The following WDR19 variants were observed in gnomAD, a reference collection of about 807,000 sequenced individuals.
WDR19 encodes the protein WD repeat-containing protein 19.
Under a neutral mutation model 180.0 loss-of-function variants are expected in WDR19, and 121 were observed. The ratio of observed to expected loss-of-function variants is 0.67; its 90% CI spans 0.58 to 0.78. The LOEUF (loss-of-function observed/expected upper bound fraction) is 0.78, where lower values mean the gene tolerates loss of function less well. WDR19 is among the 30% of genes least tolerant of loss of function. The pLI is 0.00. For missense variants in WDR19, 1,450 were observed against 1,640.7 expected, an observed-to-expected ratio of 0.88 and a Z score of 2.01; for synonymous variants, 497 against 540.7, an observed-to-expected ratio of 0.92 and a Z score of 1.12.
intron 9 of WDR19, among the ~76,000 whole-genome samples, chr4:39,210,540 C>T (rs1045630180): frequency 2.0e-5 from 3 of 151,148 alleles, no homozygotes; most frequent in Admixed American, 1.3e-4. Context: ...CCAGGCATGG[C>T]GGCATGTGCC....
rs750250561 is a variant in WDR19, at chr4:39,272,998, G to A, written c.3502G>A (p.Asp1168Asn). The change falls in exon 32 of 37, where the codon GAT (aspartate) becomes AAT (asparagine). Residue 1168 changes from aspartate (D) to asparagine (N), a missense_variant. Physicochemically the swap from Asp to Asn is conservative, Grantham distance 23. Transcript: ENST00000399820. ...ILVKIHVKNG[D>N]HMKGARMLIR... is the part of the protein sequence containing the mutation. Reference sequence around the variant, plus strand: ...GTTTCAGATTCATGTTAAAAATGGAGATCACATGAAAGGGGCTCGCATGCT... The same window carrying A: ...GTTTCAGATTCATGTTAAAAATGGAAATCACATGAAAGGGGCTCGCATGCT... 4.6e-5 allele frequency: 73 copies of A among 1,602,520 alleles called. No homozygotes were observed. The highest frequency in any genetic ancestry group is 1.5e-4 in the Admixed American group (9 of 58,226).
At chr4:39,212,035 T>TA (rs1341971357) in intron 9 of WDR19, among the ~76,000 whole-genome samples, 1 of 150,578 alleles carries the variant, frequency 6.6e-6, no homozygotes, top group African/African-American at 2.4e-5. Context: ...ACAGCAATCT[T>TA]AAAAAAGAAC....
intron 29 of WDR19, 123 bp downstream of exon 29, chr4:39,266,263 G>A: frequency 1.3e-6 from 1 of 746,780 alleles, no homozygotes. Context: ...CAGTAGTGTA[G>A]ATCATCTAGA....
chr4:39,203,074 G>T (rs950203668), intron 6 of WDR19, among the ~76,000 whole-genome samples: 2 of 150,372 alleles, frequency 1.3e-5, no homozygotes, highest in Non-Finnish European at 3.0e-5. Flanking sequence ...AGGAAGGGAG[G>T]TCTTTAATTA....
At chr4:39,199,357 A>T in intron 5 of WDR19, 121 bp from the exon 6 acceptor site, 1 of 718,188 alleles carries the variant, frequency 1.4e-6, no homozygotes, top group Non-Finnish European at 2.3e-6. Flanking sequence ...CGTAGACATT[A>T]ACTGCTTTGA....
intron 17 of WDR19, among the ~76,000 whole-genome samples, 166 bp from the exon 18 acceptor site, chr4:39,231,631 G>C (rs1441611428): frequency 6.6e-6 from 1 of 152,192 alleles, no homozygotes; most frequent in Admixed American, 6.5e-5. Flanking sequence ...GTAAAAAAAG[G>C]AAGAAAGCTT....
intron 20 of WDR19, among the ~76,000 whole-genome samples, chr4:39,239,990 TAGTG>T (rs1184570598): frequency 6.6e-6 from 1 of 152,010 alleles, no homozygotes; most frequent in Non-Finnish European, 1.5e-5. Flanking sequence ...CTTGGCAACA[TAGTG>T]AGACCTTGTC....
At chr4:39,245,734 T>C (rs748479983) in intron 24 of WDR19, among the ~76,000 whole-genome samples, 1 of 152,198 alleles carries the variant, frequency 6.6e-6, no homozygotes, top group Non-Finnish European at 1.5e-5. Context: ...ATAAAGTGAT[T>C]GTTATTTTAT....
intron 19 of WDR19, among the ~76,000 whole-genome samples, chr4:39,234,151 TA>T (rs2109374712): frequency 6.6e-6 from 1 of 152,328 alleles, no homozygotes; most frequent in Admixed American, 6.5e-5. Context: ...ATCTGGCAGA[TA>T]ATAACACTTG....
chr4:39,187,610 A>AT (rs1004681907), intron 3 of WDR19, among the ~76,000 whole-genome samples: 1 of 152,050 alleles, frequency 6.6e-6, no homozygotes, highest in African/African-American at 2.4e-5. Context: ...TCATTTTGGC[A>AT]TTTTCCATTA....
intron 1 of WDR19, among the ~76,000 whole-genome samples, chr4:39,184,002 T>G (rs186266091): frequency 6.6e-6 from 1 of 152,334 alleles, no homozygotes; most frequent in Non-Finnish European, 1.5e-5. Context: ...GTAAGATGCT[T>G]TTAAATATTC....
chr4:39,278,095 A>G, intron 34 of WDR19, 36 bp from the exon 35 acceptor site: 1 of 1,539,288 alleles, frequency 6.5e-7, no homozygotes, highest in Middle Eastern at 1.7e-4. Context: ...TTTTTAAAAT[A>G]AAGATGAATT....
At chr4:39,256,974 G>C (rs1249514749) in intron 27 of WDR19, among the ~76,000 whole-genome samples, 3 of 151,930 alleles carry the variant, frequency 2.0e-5, no homozygotes, top group Non-Finnish European at 2.9e-5. Context: ...TCTTTTTATA[G>C]TTGTAAATTT....
At chr4:39,239,153 T>A (rs1435499623) in intron 20 of WDR19, among the ~76,000 whole-genome samples, 1 of 152,034 alleles carries the variant, frequency 6.6e-6, no homozygotes, top group Non-Finnish European at 1.5e-5. Flanking sequence ...AATTTTTGTA[T>A]TTTTAGTAGA....
intron 6 of WDR19, among the ~76,000 whole-genome samples, chr4:39,202,730 A>G (rs191757782): frequency 2.6e-5 from 4 of 151,830 alleles, no homozygotes; most frequent in Admixed American, 2.6e-4. Context: ...TTCTTTTCTC[A>G]TATTTATGAG....
intron 9 of WDR19, among the ~76,000 whole-genome samples, chr4:39,207,277 A>C (rs901609394): frequency 1.2e-4 from 19 of 152,200 alleles, no homozygotes; most frequent in African/African-American, 4.3e-4. Context: ...CAATCTGAAC[A>C]TGGAAGAAAA....
intron 10 of WDR19, 100 bp downstream of exon 10, chr4:39,214,771 T>A (rs1577897212): frequency 2.8e-6 from 2 of 702,644 alleles, no homozygotes; most frequent in Non-Finnish European, 2.3e-6. Flanking sequence ...GTAGGAGGAA[T>A]AATTTTTTTT....
rs1729246083 is a variant in WDR19, at chr4:39,217,969, T to A, written c.1357-14T>A. The A allele has an allele frequency of 1.9e-6, 3 of 1,613,164 alleles. No homozygotes were observed. The highest frequency in any genetic ancestry group is 2.5e-6 in the Non-Finnish European group (3 of 1,179,618). ...AAATAAATCTGTGAGCCATTATTATTCTTTACGTTTTAGATAGAAAGCGAA... is the reference window on the plus strand; with the variant it reads ...AAATAAATCTGTGAGCCATTATTATACTTTACGTTTTAGATAGAAAGCGAA... On this transcript the variant is annotated splice_polypyrimidine_tract_variant and intron_variant, in intron 13 of 36. Coordinates refer to ENST00000399820, the MANE Select transcript of WDR19 (RefSeq NM_025132.4).
At chr4:39,198,060 C>T (rs541013125) in intron 5 of WDR19, among the ~76,000 whole-genome samples, 2 of 152,110 alleles carry the variant, frequency 1.3e-5, no homozygotes, top group South Asian at 4.1e-4. Context: ...CTAGGCTGGT[C>T]TTGAACTCCT....
Sources: allele counts gnomAD v4.1 joint callset (sites outside exome capture counted in the v4.1 genomes callset), GRCh38; gene constraint gnomAD v4.1.1; transcripts MANE v1.5; gene names NCBI Gene and HGNC (gene_info 2026-07-23, HGNC 2026-07-21).